Variants in SEC24B observed in about 807,000 individuals in gnomAD.
SEC24B encodes SEC24 homolog B, COPII component.
In SEC24B, 45 loss-of-function variants were observed where a neutral mutation model predicts 142.8. The observed-to-expected ratio is 0.32, with a 90% CI of 0.25 to 0.40. The LOEUF (loss-of-function observed/expected upper bound fraction) is 0.40. SEC24B is among the 10% of genes least tolerant of loss of function. SEC24B has a pLI of 1.00. For missense variants in SEC24B, 1,409 were observed against 1,526.8 expected, an observed-to-expected ratio of 0.92 and a Z score of 1.29; for synonymous variants, 574 against 568.2, an observed-to-expected ratio of 1.01 and a Z score of -0.15.
rs1418745967 is a variant in SEC24B, at chr4:109,540,198, GA to G, written c.*530del. 7 of 152,426 alleles carry G rather than the reference GA, an allele frequency of 4.6e-5. No individual in the cohort carries two copies. The highest frequency in any genetic ancestry group is 1.7e-4 in the African/African-American group (7 of 41,372). 9.4% of individuals were successfully genotyped at this position (152,426 alleles called of 1,614,324 possible). A position where few individuals can be genotyped will look rare whatever the true frequency, so the allele number is the denominator to read the frequency against. On this transcript the variant is annotated 3_prime_UTR_variant, in exon 24 of 24. Coordinates refer to ENST00000265175, the MANE Select transcript of SEC24B (RefSeq NM_006323.5). ...ATAGAGTTTCAGTACATGAACTATA[GA>G]AAAAAATCTATATATAATGTACATA...
intron 4 of SEC24B, among the ~76,000 whole-genome samples, chr4:109,482,969 T>TAC (rs1733901611): frequency 1.7e-5 from 1 of 59,942 alleles, no homozygotes; most frequent in African/African-American, 1.0e-4. Flanking sequence ...TATATATATA[T>TAC]ATATATATAT....
chr4:109,519,481 G>A (rs1030729980), intron 11 of SEC24B, among the ~76,000 whole-genome samples: 3 of 152,196 alleles, frequency 2.0e-5, no homozygotes, highest in South Asian at 4.1e-4. Context: ...ACTTCTTTGA[G>A]AAAGAAGAGT....
In SEC24B at chr4:109,463,183, C is replaced by T. The variant is rs1326299345; in HGVS notation, c.416C>T (p.Ser139Leu). The T allele has an allele frequency of 2.5e-6, 4 of 1,614,096 alleles. No individual in the cohort carries two copies. Among genetic ancestry groups the T allele is most frequent in the Non-Finnish European group, 2.5e-6 (3 of 1,180,050 alleles). ...STLGSFQGAA[S>L]SASHLHTSAS... ...CTAGGATCTTTCCAAGGTGCTGCATCGTCAGCATCCCATTTGCATACGAGT... is the reference window on the plus strand; with the variant it reads ...CTAGGATCTTTCCAAGGTGCTGCATTGTCAGCATCCCATTTGCATACGAGT... Residue 139 changes from serine (S) to leucine (L), a missense_variant, in exon 2 of 24, where the codon TCG becomes TTG. Physicochemically the swap from Ser to Leu is moderately radical, Grantham distance 145. Around this residue, in one of 2 missense-constraint regions of SEC24B, gnomAD observed 709 missense variants for 673.5 expected, o/e 1.05. Coordinates refer to ENST00000265175, the MANE Select transcript of SEC24B (RefSeq NM_006323.5).
intron 4 of SEC24B, among the ~76,000 whole-genome samples, chr4:109,482,979 T>TACACACACACACACAC (rs1554001099): frequency 3.8e-5 from 1 of 26,414 alleles, no homozygotes; most frequent in African/African-American, 1.2e-4. Flanking sequence ...TATATATATA[T>TACACACACACACACAC]ACACACACAC....
chr4:109,469,607 G>T (rs868488982), intron 2 of SEC24B, among the ~76,000 whole-genome samples: 1 of 152,184 alleles, frequency 6.6e-6, no homozygotes, highest in African/African-American at 2.4e-5. Context: ...TAATACTTCA[G>T]CTGTAATCTG....
intron 18 of SEC24B, 39 bp downstream of exon 18, chr4:109,527,471 C>G (rs200288235): frequency 1.4e-6 from 2 of 1,452,726 alleles, no homozygotes; most frequent in African/African-American, 2.8e-5. Flanking sequence ...ATGTATTTTT[C>G]TATCTTAAAA....
intron 1 of SEC24B, among the ~76,000 whole-genome samples, chr4:109,445,009 G>T (rs546754858): frequency 5.3e-5 from 8 of 151,720 alleles, no homozygotes; most frequent in Non-Finnish European, 1.0e-4. Flanking sequence ...CTGCAACCTC[G>T]ATCTCCTGGG....
At chr4:109,445,571 T>C (rs1457236166) in intron 1 of SEC24B, among the ~76,000 whole-genome samples, 1 of 150,040 alleles carries the variant, frequency 6.7e-6, no homozygotes, top group African/African-American at 2.5e-5. Context: ...TATTATTTTA[T>C]TTTATTTATT....
chr4:109,524,893 G>C lies in SEC24B; in HGVS notation c.2584G>C (p.Val862Leu). 1 of 1,612,632 alleles carries C rather than the reference G, an allele frequency of 6.2e-7. No homozygotes were observed. The highest frequency in any genetic ancestry group is 8.5e-7 in the Non-Finnish European group (1 of 1,179,204). ...AGATTGCTCGGGACAGCAAACTGCA[G>C]TGGATTTGTTCCTTTTAAGTTCACA... ...ALDCSGQQTA[V>L]DLFLLSSQYS... Residue 862 changes from valine (V) to leucine (L), a missense_variant, in exon 15 of 24, where the codon GTG (valine) becomes CTG (leucine). Val to Leu is a conservative substitution (Grantham distance 32). This residue lies in a region of SEC24B where 700 missense variants were observed against 853.3 expected (regional missense o/e 0.82). Transcript: ENST00000265175.
At chr4:109,512,915 GC>G (rs1737510684) in intron 9 of SEC24B, among the ~76,000 whole-genome samples, 1 of 149,100 alleles carries the variant, frequency 6.7e-6, no homozygotes, top group Non-Finnish European at 1.5e-5. Context: ...ATCCACCTCA[GC>G]CTCCCAACCC....
rs549249076 is a variant in SEC24B, at chr4:109,521,135, C to G, written c.2264C>G (p.Pro755Arg). ...SDIDDVFLPTPDSLLVNLYES... is the reference protein window; with the variant it reads ...SDIDDVFLPTRDSLLVNLYES... ...CCTATAGATGTTTTTCTACCTACAC[C>G]GGATAGTTTACTTGTGAATCTATAT... Residue 755 changes from proline to arginine, a missense_variant, in exon 13 of 24, where the codon CCG becomes CGG. By Grantham distance (103) the Pro-to-Arg change is moderately radical. This residue lies in a region of SEC24B where 700 missense variants were observed against 853.3 expected (regional missense o/e 0.82). Coordinates refer to ENST00000265175, the MANE Select transcript of SEC24B (RefSeq NM_006323.5). 2.6e-6 allele frequency: 4 copies of G among 1,516,952 alleles called. No homozygotes were observed. The highest frequency in any genetic ancestry group is 3.6e-6 in the Non-Finnish European group (4 of 1,096,430). 94.0% of individuals were successfully genotyped at this position (1,516,952 alleles called of 1,614,324 possible). A position where few individuals can be genotyped will look rare whatever the true frequency, so the allele number is the denominator to read the frequency against.
In SEC24B at chr4:109,498,343, C is replaced by T. The variant is rs570996662; in HGVS notation, c.1488+3487C>T. The stretch of plus-strand genomic sequence containing the variant: ...AATTTTCATCGAAGATTAAAATTAT[C>T]AAACTTTTTTAAAAGAAGCCTTTTT... On this transcript the variant is annotated intron_variant, in intron 6 of 23. Transcript: ENST00000265175. 2.2e-4 allele frequency among the ~76,000 whole-genome samples: 34 copies of T among 152,254 alleles called. 2 individuals carry two copies. The South Asian group carries it at 4.6e-3, about 20-fold the overall frequency.
chr4:109,494,879 A>T, intron 6 of SEC24B, 23 bp downstream of exon 6: 1 of 1,610,282 alleles, frequency 6.2e-7, no homozygotes, highest in Non-Finnish European at 8.5e-7. Context: ...TCATATACAC[A>T]CATTGTAACA....
intron 19 of SEC24B, among the ~76,000 whole-genome samples, chr4:109,531,083 T>C (rs1320825233): frequency 1.3e-5 from 2 of 152,182 alleles, no homozygotes; most frequent in East Asian, 1.9e-4. Context: ...GGAACTAATA[T>C]TAAGCATCTT....
chr4:109,524,728 G>A (rs943527711), intron 14 of SEC24B, 90 bp from the exon 15 acceptor site: 2 of 1,182,980 alleles, frequency 1.7e-6, no homozygotes, highest in Non-Finnish European at 2.4e-6. Context: ...GTTTGGTAGG[G>A]AGGCAGAGGA....
chr4:109,452,230 C>T (rs1730181753), intron 1 of SEC24B, among the ~76,000 whole-genome samples: 1 of 152,120 alleles, frequency 6.6e-6, no homozygotes, highest in African/African-American at 2.4e-5. Flanking sequence ...CTACATTCAT[C>T]CATGCTACTG....
At chr4:109,511,831 T>C (rs933750898) in intron 8 of SEC24B, 126 bp from the exon 9 acceptor site, 3 of 892,288 alleles carry the variant, frequency 3.4e-6, no homozygotes, top group Non-Finnish European at 5.0e-6. Flanking sequence ...TTTATTAATA[T>C]GCTTCCATAT....
Position 109,524,827 on chromosome 4 carries a change from C to T in SEC24B, c.2518C>T (p.His840Tyr). ...NQRSSTKVVQHLGPATDFYKK... is the reference protein window; with the variant it reads ...NQRSSTKVVQYLGPATDFYKK... ...TGATCTGTTGACTTAGGTGGTACAA[C>T]ATCTTGGCCCTGCAACTGATTTTTA... is the stretch of plus-strand genomic sequence containing the variant. The change falls in exon 15 of 24, where the codon CAT (histidine) becomes TAT (tyrosine). Residue 840 changes from histidine to tyrosine, a missense_variant. His to Tyr is a moderately conservative substitution (Grantham distance 83). Coordinates refer to ENST00000265175, the MANE Select transcript of SEC24B (RefSeq NM_006323.5). 2 of 1,611,596 alleles carry T rather than the reference C, an allele frequency of 1.2e-6. No homozygotes were observed. The highest frequency in any genetic ancestry group is 1.7e-4 in the Middle Eastern group (1 of 6,052).
In SEC24B at chr4:109,540,458, T is replaced by C. The variant is rs1263756905; in HGVS notation, c.*783T>C. 6.6e-6 allele frequency: 1 copy of C among 152,312 alleles called. No individual in the cohort carries two copies. Among genetic ancestry groups the C allele is most frequent in the African/African-American group, 2.4e-5 (1 of 41,464 alleles). The allele number at this position is 152,312 out of a possible 1,614,324, so 9.4% of individuals were successfully genotyped here. ...TAATTAAAACTATTTCGCTTGACAGTATGGTTTGGTGATTTTTTGGGGTTT... is the reference window on the plus strand; with the variant it reads ...TAATTAAAACTATTTCGCTTGACAGCATGGTTTGGTGATTTTTTGGGGTTT... On this transcript the variant is annotated 3_prime_UTR_variant, in exon 24 of 24. Transcript: ENST00000265175.
Sources: gnomAD v4.1 joint callset for allele counts (sites outside exome capture counted in the v4.1 genomes callset) on GRCh38, gnomAD v4.1.1 for gene constraint, gnomAD v4.1.1 regional missense constraint, MANE v1.5 for transcripts, NCBI Gene and HGNC (gene_info 2026-07-23, HGNC 2026-07-21) for gene names.